Variants in APEH observed in about 807,000 individuals in gnomAD.
APEH encodes the protein acylamino-acid-releasing enzyme.
Under a neutral mutation model 102.7 loss-of-function variants are expected in APEH, and 75 were observed. The ratio of observed to expected loss-of-function variants is 0.73; its 90% CI spans 0.61 to 0.89. APEH has a LOEUF of 0.89. Ranked by LOEUF, APEH falls within the 40% of genes least tolerant of loss-of-function variation. The probability of loss-of-function intolerance (pLI) is 0.00; values close to 1 mark genes in which losing one functional copy is unlikely to be tolerated. For missense variants in APEH, 863 were observed against 941.2 expected, an observed-to-expected ratio of 0.92 and a Z score of 1.09; for synonymous variants, 344 against 362.7, an observed-to-expected ratio of 0.95 and a Z score of 0.59.
intron 12 of APEH, 51 bp downstream of exon 12, chr3:49,679,000 G>A: frequency 6.7e-7 from 1 of 1,502,040 alleles, no homozygotes; most frequent in African/African-American, 1.4e-5. Flanking sequence ...CAACCCCCAG[G>A]AGCCCTGGGG....
In APEH at chr3:49,683,159, T is replaced by C. The variant is rs2053432008; in HGVS notation, c.2093+13T>C. 4 of 1,613,176 alleles carry C rather than the reference T, an allele frequency of 2.5e-6. No individual in the cohort carries two copies. Among genetic ancestry groups the C allele is most frequent in the Non-Finnish European group, 8.5e-7 (1 of 1,179,184 alleles). On this transcript the variant is annotated intron_variant, in intron 21 of 21. Coordinates refer to ENST00000296456, the MANE Select transcript of APEH (RefSeq NM_001640.4). ...ATGTGCCTGTTCGGTGAGTGCAGCA[T>C]GAAGGCCCTGGCAGCTGGTGGGCAG...
rs143528401 is a variant in APEH, at chr3:49,680,325, C to T, written c.1211-216C>T. On this transcript the variant is annotated intron_variant, in intron 13 of 21. Coordinates refer to ENST00000296456, the MANE Select transcript of APEH (RefSeq NM_001640.4). ...TGGTCTGATGTGTCTTAAGGTTTGG[C>T]AGTTCCCAGCCCAGCCAGTGTCTGT... is the stretch of plus-strand genomic sequence containing the variant. 1,865 of 539,976 alleles carry T rather than the reference C, an allele frequency of 3.5e-3. 25 individuals carry two copies. The highest frequency in any genetic ancestry group is 0.032 in the African/African-American group (1,691 of 52,426). The allele number at this position is 539,976 out of a possible 1,614,324, so 33.4% of individuals were successfully genotyped here.
Position 49,674,621 on chromosome 3 carries a change from G to C in APEH, c.145G>C (p.Glu49Gln). Residue 49 changes from glutamate to glutamine, a missense_variant and splice_region_variant, in exon 2 of 22, where the codon GAG becomes CAG. Glu to Gln is a conservative substitution (Grantham distance 29, BLOSUM62 2). Coordinates refer to ENST00000296456, the MANE Select transcript of APEH (RefSeq NM_001640.4). ...CGGCCAATACCGGACGGTGCACACTGGTGTGTGTGCGAAGGGGAACTGGCT... is the reference window on the plus strand; with the variant it reads ...CGGCCAATACCGGACGGTGCACACTCGTGTGTGTGCGAAGGGGAACTGGCT... ...YGGQYRTVHT[E>Q]WTQRDLERME... The C allele has an allele frequency of 6.3e-7, 1 of 1,586,448 alleles. No individual in the cohort carries two copies. Among genetic ancestry groups the C allele is most frequent in the South Asian group, 1.1e-5 (1 of 88,798 alleles).
In APEH at chr3:49,681,136, G is replaced by A. The variant is rs756916211; in HGVS notation, c.1335G>A (p.Gln445=). 111 of 1,606,472 alleles carry A rather than the reference G, an allele frequency of 6.9e-5. 1 individual carries two copies. The highest frequency in any genetic ancestry group is 3.4e-6 in the Non-Finnish European group (4 of 1,176,010). ...TCCTGCCTTCTGCAGGGAAGGAGCA[G>A]TCAGTGTTGTGGGTGTCCCTGGAGG... ...VGFLPSAGKE[Q]SVLWVSLEEA... The change falls in exon 15 of 22, where the codon CAG becomes CAA. Residue 445 remains glutamine (Q), a synonymous_variant. Coordinates refer to ENST00000296456, the MANE Select transcript of APEH (RefSeq NM_001640.4).
intron 13 of APEH, 185 bp from the exon 14 acceptor site, chr3:49,680,356 G>A (rs1382950069): frequency 3.4e-6 from 2 of 582,882 alleles, no homozygotes; most frequent in African/African-American, 1.9e-5. Flanking sequence ...TCTGTCAGAT[G>A]AACAACAGAC....
chr3:49,673,801 C>CTCACGCTCACG (rs2052881855), upstream of APEH, among the ~76,000 whole-genome samples: 10 of 145,692 alleles, frequency 6.9e-5, no homozygotes, highest in Admixed American at 3.4e-4. Context: ...CAACCCTCAC[C>CTCACGCTCACG]CTCACGCTCA....
intron 2 of APEH, among the ~76,000 whole-genome samples, chr3:49,674,865 C>T (rs746608336): frequency 2.0e-5 from 3 of 152,140 alleles, no homozygotes; most frequent in Non-Finnish European, 4.4e-5. Flanking sequence ...GAAGTCAAAC[C>T]TGGGCTCAGG....
chr3:49,675,143 A>G, intron 2 of APEH, 40 bp from the exon 3 acceptor site: 2 of 1,612,922 alleles, frequency 1.2e-6, no homozygotes, highest in South Asian at 1.1e-5. Flanking sequence ...AGCCAGGAGT[A>G]GCCAAGACAA....
Position 49,679,009 on chromosome 3 carries a change from GGGTT to G in APEH, c.1158+62_1158+65del. ...TGTGGTCAACCCCCAGGAGCCCTGG[GGGTT>G]GCATGTGCATGCCCCTGGGTGGAAT... On this transcript the variant is annotated intron_variant, in intron 12 of 21. Coordinates refer to ENST00000296456, the MANE Select transcript of APEH (RefSeq NM_001640.4). This position sits in a 1 kb window ranked among gnomAD's most constrained non-coding sequence, Gnocchi z 4.3. 7.0e-7 allele frequency: 1 copy of G among 1,435,492 alleles called. No individual in the cohort carries two copies. The highest frequency in any genetic ancestry group is 9.7e-7 in the Non-Finnish European group (1 of 1,026,634). 88.9% of individuals were successfully genotyped at this position (1,435,492 alleles called of 1,614,324 possible). A position where few individuals can be genotyped will look rare whatever the true frequency, so the allele number is the denominator to read the frequency against.
rs1038485129 is a variant in APEH, at chr3:49,675,453, G to C, written c.272+144G>C. On this transcript the variant is annotated intron_variant, in intron 3 of 21. Coordinates refer to ENST00000296456, the MANE Select transcript of APEH (RefSeq NM_001640.4). ...GAGCTCATTCAGTTTCTGGTGACAT[G>C]GCCTGATAAGCACTGGAAGCTTGCT... The C allele has an allele frequency of 4.8e-6, 6 of 1,246,078 alleles. No homozygotes were observed. The African/African-American group carries it at 9.1e-5, about 19-fold the overall frequency. 77.2% of individuals were successfully genotyped at this position (1,246,078 alleles called of 1,614,324 possible). A position where few individuals can be genotyped will look rare whatever the true frequency, so the allele number is the denominator to read the frequency against.
chr3:49,681,382 G>T (rs2053312246), intron 15 of APEH, 143 bp downstream of exon 15: 1 of 1,038,958 alleles, frequency 9.6e-7, no homozygotes. Context: ...CTTGTGGATG[G>T]GCATGGGAAG....
intron 2 of APEH, among the ~76,000 whole-genome samples, chr3:49,674,858 G>A (rs1272924382): frequency 6.6e-6 from 1 of 152,176 alleles, no homozygotes; most frequent in Non-Finnish European, 1.5e-5. Context: ...AGGGGTAGAA[G>A]TCAAACCTGG....
Position 49,681,142 on chromosome 3 carries a change from G to T in APEH, c.1341G>T (p.Val447=), listed in dbSNP as rs764859779. The T allele has an allele frequency of 1.2e-6, 2 of 1,609,856 alleles. No homozygotes were observed. The highest frequency in any genetic ancestry group is 1.3e-5 in the African/African-American group (1 of 74,832). The part of the protein sequence containing the change: ...FLPSAGKEQS[V]LWVSLEEAEP... ...CTTCTGCAGGGAAGGAGCAGTCAGT[G>T]TTGTGGGTGTCCCTGGAGGAGGCCG... Residue 447 remains valine (V), a synonymous_variant, in exon 15 of 22, where the codon GTG becomes GTT. Transcript: ENST00000296456.
Position 49,674,635 on chromosome 3 carries a change from G to A in APEH, c.145+14G>A. 6.3e-7 allele frequency: 1 copy of A among 1,587,328 alleles called. No individual in the cohort carries two copies. ...CGGTGCACACTGGTGTGTGTGCGAA[G>A]GGGAACTGGCTGGCGACGGGGTCGC... On this transcript the variant is annotated intron_variant, in intron 2 of 21. Coordinates refer to ENST00000296456, the MANE Select transcript of APEH (RefSeq NM_001640.4).
intron 3 of APEH, 28 bp from the exon 4 acceptor site, chr3:49,675,666 C>A: frequency 6.3e-7 from 1 of 1,589,662 alleles, no homozygotes; most frequent in Non-Finnish European, 8.6e-7. Context: ...GCAAGATAAT[C>A]CTGACCTGTG....
rs951439620 is a variant in APEH, at chr3:49,681,980, G to A, written c.1603+13G>A. ...GCGGTACTACTAGGTGAGTGAGCAG[G>A]GACCCACAGTTCTGTTAGGACTACA... On this transcript the variant is annotated intron_variant, in intron 17 of 21. Transcript: ENST00000296456. 1 of 1,609,896 alleles carries A rather than the reference G, an allele frequency of 6.2e-7. No individual in the cohort carries two copies. Among genetic ancestry groups the A allele is most frequent in the Admixed American group, 1.7e-5 (1 of 60,022 alleles).
rs960535265 is a variant in APEH, at chr3:49,681,961, C to A, written c.1597C>A (p.Leu533Ile). Residue 533 changes from leucine to isoleucine, a missense_variant, in exon 17 of 22, where the codon CTA (leucine) becomes ATA (isoleucine). By Grantham distance (5) the Leu-to-Ile change is conservative. Coordinates refer to ENST00000296456, the MANE Select transcript of APEH (RefSeq NM_001640.4). Reference protein sequence around the residue: ...AMLCKMGFAVLLVNYRGSTGF... With the variant: ...AMLCKMGFAVILVNYRGSTGF... The stretch of plus-strand genomic sequence containing the variant: ...GCTTTGCAAGATGGGCTTTGCGGTA[C>A]TACTAGGTGAGTGAGCAGGGACCCA... 1 of 1,613,666 alleles carries A rather than the reference C, an allele frequency of 6.2e-7. No individual in the cohort carries two copies. The highest frequency in any genetic ancestry group is 8.5e-7 in the Non-Finnish European group (1 of 1,179,564).
rs777801198 is a variant in APEH at position 49,677,644 on chromosome 3, C to T, written c.1060+11C>T. ...CTCGGCAGCTGGGAGGTAAGGCATA[C>T]CTGGCTGGGTGGGTGCAGTGGGGCC... On this transcript the variant is annotated intron_variant, in intron 11 of 21. Coordinates refer to ENST00000296456, the MANE Select transcript of APEH (RefSeq NM_001640.4). 12 of 1,611,964 alleles carry T rather than the reference C, an allele frequency of 7.4e-6. No homozygotes were observed. The highest frequency in any genetic ancestry group is 6.6e-5 in the South Asian group (6 of 91,038).
upstream of APEH, chr3:49,674,090 G>A (rs535927294): frequency 2.1e-6 from 1 of 467,174 alleles, no homozygotes; most frequent in Non-Finnish European, 3.8e-6. Flanking sequence ...TCTCCTCCGA[G>A]ATCCAACGCC....
Sources: gnomAD v4.1 joint callset for allele counts (sites outside exome capture counted in the v4.1 genomes callset) on GRCh38, gnomAD v4.1.1 for gene constraint, Gnocchi (gnomAD v3.1) non-coding constraint, MANE v1.5 for transcripts, NCBI Gene and HGNC (gene_info 2026-07-23, HGNC 2026-07-21) for gene names.